The following ZBTB45 variants were observed in gnomAD, a reference collection of about 807,000 sequenced individuals.
The protein encoded by ZBTB45 is zinc finger and BTB domain containing 45.
ZBTB45 carries 22 observed loss-of-function variants against 28.4 expected under a neutral mutation model. The ratio of observed to expected loss-of-function variants is 0.77; its 90% confidence interval spans 0.55 to 1.10. ZBTB45 has a LOEUF of 1.10. ZBTB45 is among the 50% of genes least tolerant of loss of function. The pLI, the probability that ZBTB45 is intolerant of heterozygous loss-of-function variation, is 0.00. For synonymous variants in ZBTB45, 361 were observed against 332.3 expected (o/e 1.09, Z -0.94); for missense variants, 656 against 750.2 (o/e 0.87, Z 1.47).
chr19:58,536,282 G>C (rs773523895), intron 1 of ZBTB45, among the ~76,000 whole-genome samples: 1 of 151,948 alleles, frequency 6.6e-6, no homozygotes, highest in Non-Finnish European at 1.5e-5. Flanking sequence ...TGGCTAACAC[G>C]GTGAAACCCC....
At chr19:58,521,366 C>CAAAA (rs1180915172), upstream of ZBTB45, among the ~76,000 whole-genome samples, 12 of 93,282 alleles carry the variant, frequency 1.3e-4, no homozygotes, top group Admixed American at 2.3e-4. Flanking sequence ...CACTCAGTCT[C>CAAAA]AAAAAAAAAA....
chr19:58,526,531 T>TATTATTA (rs760766410), intron 1 of ZBTB45, among the ~76,000 whole-genome samples: 4 of 82,264 alleles, frequency 4.9e-5, no homozygotes, highest in Admixed American at 1.5e-4. Context: ...TATTATTTTT[T>TATTATTA]TTTTTTTTTT....
intron 1 of ZBTB45, 103 bp from the exon 2 acceptor site, chr19:58,517,776 C>G (rs2053532018): frequency 2.7e-6 from 3 of 1,096,934 alleles, no homozygotes; most frequent in Non-Finnish European, 4.0e-6. Context: ...GGCTCGAGTG[C>G]ACCACACTCC....
At chr19:58,521,189 C>G (rs972118918), upstream of ZBTB45, among the ~76,000 whole-genome samples, 2 of 148,894 alleles carry the variant, frequency 1.3e-5, no homozygotes, top group African/African-American at 5.0e-5. Context: ...ACGGTGAAAC[C>G]CCGTCTCTAC....
At position 58,514,288 on chromosome 19, in the gene ZBTB45, G is replaced by T. The variant is rs1303188290; in HGVS notation, c.1302C>A (p.Ala434=). The change falls in exon 3 of 3, where the codon GCC becomes GCA. Residue 434 remains alanine, a synonymous_variant. Transcript: ENST00000594051. ...IHSGEKPHQC[A]VCWRSFSLRD... ...GTAGAGAGAAGGATCGCCAGCACAC[G>T]GCGCACTGGTGCGGCTTCTCCCCTG... 6.2e-7 allele frequency: 1 copy of T among 1,605,998 alleles called. No homozygotes were observed. The highest frequency in any genetic ancestry group is 2.2e-5 in the East Asian group (1 of 44,652).
In ZBTB45 at chr19:58,513,903, C is replaced by G. The variant is rs1200955918; in HGVS notation, c.*151G>C. ...GGAGAGGAGTAAGGCGGACTTAGGC[C>G]CTGGTATGGAGAAAGGGTGAAGGGA... On this transcript the variant is annotated 3_prime_UTR_variant, in exon 3 of 3. Transcript: ENST00000594051. The G allele has an allele frequency of 1.0e-6, 1 of 988,830 alleles. No homozygotes were observed. Among genetic ancestry groups the G allele is most frequent in the African/African-American group, 1.7e-5 (1 of 57,962 alleles). The allele number at this position is 988,830 out of a possible 1,614,324, so 61.3% of individuals were successfully genotyped here.
At chr19:58,514,743 G>T (rs556169657) in intron 2 of ZBTB45, among the ~76,000 whole-genome samples, 1 of 152,096 alleles carries the variant, frequency 6.6e-6, no homozygotes, top group African/African-American at 2.4e-5. Context: ...CTACCCTCAG[G>T]TACCCTCCCC....
chr19:58,524,887 A>C (rs1340523822), intron 1 of ZBTB45, among the ~76,000 whole-genome samples: 3 of 152,046 alleles, frequency 2.0e-5, no homozygotes, highest in African/African-American at 2.4e-5. Context: ...CGTCTCAAAA[A>C]AAAAAAACAA....
chr19:58,532,799 G>A (rs2053641671), intron 1 of ZBTB45, among the ~76,000 whole-genome samples: 2 of 151,866 alleles, frequency 1.3e-5, no homozygotes, highest in South Asian at 2.1e-4. Context: ...CGCCCACCTC[G>A]GCCTCCCAAA....
chr19:58,526,983 A>G (rs2053611580), intron 1 of ZBTB45, among the ~76,000 whole-genome samples: 1 of 151,986 alleles, frequency 6.6e-6, no homozygotes, highest in Non-Finnish European at 1.5e-5. Context: ...GTGGCCCACC[A>G]CACCTGGCCA....
In ZBTB45 at chr19:58,516,732, C is replaced by A; in HGVS notation, c.942G>T (p.Leu314=). 2 of 1,608,936 alleles carry A rather than the reference C, an allele frequency of 1.2e-6. No homozygotes were observed. The highest frequency in any genetic ancestry group is 1.7e-6 in the Non-Finnish European group (2 of 1,177,136). Residue 314 remains leucine (L), a synonymous_variant, in exon 2 of 3, where the codon CTG becomes CTT. Coordinates refer to ENST00000594051, the MANE Select transcript of ZBTB45 (RefSeq NM_001316979.2). The surrounding 1 kb of genome is among the most constrained non-coding windows in gnomAD (Gnocchi z 6.2). ...TCACACCAGGCGGGCGGGATCCAGA[C>A]AGTATGCAGTCGGGCTGGACAGGGG... ...TETPVQPDCI[L]SGSRPPGVKT... is the part of the protein sequence containing the mutation.
At chr19:58,532,978 G>A (rs990522606) in intron 1 of ZBTB45, among the ~76,000 whole-genome samples, 1 of 152,152 alleles carries the variant, frequency 6.6e-6, no homozygotes, top group African/African-American at 2.4e-5. Context: ...GGGATTACAG[G>A]CATGTGCCAC....
At position 58,517,017 on chromosome 19, in the gene ZBTB45, A is replaced by G. The variant is rs772243849; in HGVS notation, c.657T>C (p.Asp219=). The G allele has an allele frequency of 1.1e-5, 18 of 1,613,146 alleles. No homozygotes were observed. Among genetic ancestry groups the G allele is most frequent in the Admixed American group, 6.7e-5 (4 of 59,998 alleles). Residue 219 remains aspartate, a synonymous_variant, in exon 2 of 3, where the codon GAT becomes GAC. Transcript: ENST00000594051. ...GGCCGCCACCTTCGCCATCCTCGCC[A>G]TCGGTCTCATCGTCACTTTCCTCGT... ...EDDEESDDET[D]GEDGEGGGPG...
At chr19:58,524,435 ATGTGTGTGTGTG>A (rs56704623), upstream of ZBTB45, among the ~76,000 whole-genome samples, 68 of 138,350 alleles carry the variant, frequency 4.9e-4, no homozygotes, top group African/African-American at 1.5e-3. Context: ...GTGTTCATAT[ATGTGTGTGTGTG>A]TGTGTGTGTG....
rs1393199443 is a variant in ZBTB45 at position 58,532,157 on chromosome 19, C to T, written c.-1+6544G>A. Among the ~76,000 whole-genome samples, 4 of 152,080 alleles carry T rather than the reference C, an allele frequency of 2.6e-5. No homozygotes were observed. In the East Asian group the frequency reaches 7.7e-4, roughly 29 times the overall value. On this transcript the variant is annotated intron_variant, in intron 1 of 1. Coordinates refer to the ZBTB45 transcript ENST00000600130. ...TCACAATGTGGAGCTCTGAACAGTC[C>T]CTTCTACTCTCTGGGAATGTTTTCC...
At chr19:58,524,433 A>ATGTGGG (rs1364446202), upstream of ZBTB45, among the ~76,000 whole-genome samples, 1 of 111,718 alleles carries the variant, frequency 9.0e-6, no homozygotes, top group African/African-American at 3.9e-5. Context: ...GTGTGTTCAT[A>ATGTGGG]TATGTGTGTG....
chr19:58,525,251 A>C (rs569101079), intron 1 of ZBTB45, among the ~76,000 whole-genome samples: 1 of 152,048 alleles, frequency 6.6e-6, no homozygotes, highest in East Asian at 1.9e-4. Context: ...GCCCCATCCT[A>C]GTGGGTTTGG....
At chr19:58,529,569 C>T (rs1407489093) in intron 1 of ZBTB45, among the ~76,000 whole-genome samples, 2 of 152,202 alleles carry the variant, frequency 1.3e-5, no homozygotes, top group Admixed American at 6.5e-5. Flanking sequence ...TCCCTGGAAA[C>T]CATTAACCTA....
rs768648113 is a variant in ZBTB45 at position 58,517,189 on chromosome 19, G to C, written c.485C>G (p.Pro162Arg). ...RLRHLLAARPPGHPGAAHSRK... is the reference protein window; with the variant it reads ...RLRHLLAARPRGHPGAAHSRK... ...GCTGTGTGCAGCACCGGGGTGCCCC[G>C]GGGGACGTGCAGCCAGCAGGTGGCG... The change falls in exon 2 of 3, where the codon CCG (proline) becomes CGG (arginine). Residue 162 changes from proline (P) to arginine (R), a missense_variant. Coordinates refer to ENST00000594051, the MANE Select transcript of ZBTB45 (RefSeq NM_001316979.2). 9 of 1,605,912 alleles carry C rather than the reference G, an allele frequency of 5.6e-6. No individual in the cohort carries two copies. The highest frequency in any genetic ancestry group is 1.1e-5 in the South Asian group (1 of 90,750).
Sources: gnomAD v4.1 joint callset for allele counts (sites outside exome capture counted in the v4.1 genomes callset) on GRCh38, gnomAD v4.1.1 for gene constraint, Gnocchi (gnomAD v3.1) non-coding constraint, MANE v1.5 for transcripts, NCBI Gene and HGNC (gene_info 2026-07-23, HGNC 2026-07-21) for gene names.